Variants in ZNF33B observed in about 807,000 individuals in gnomAD.
The protein encoded by ZNF33B is zinc finger protein 11b (KOX 2).
Under a neutral mutation model 45.8 loss-of-function variants are expected in ZNF33B, and 29 were observed. That is an observed-to-expected ratio of 0.63 (90% confidence interval 0.47 to 0.86). The LOEUF (loss-of-function observed/expected upper bound fraction) is 0.86. Ranked by LOEUF, ZNF33B falls within the 40% of genes least tolerant of loss-of-function variation. The pLI, the probability that ZNF33B is intolerant of heterozygous loss-of-function variation, is 0.00. For synonymous variants in ZNF33B, 305 were observed against 307.8 expected (o/e 0.99, Z 0.10); for missense variants, 831 against 909.9 (o/e 0.91, Z 1.12).
chr10:42,581,123 G>T (rs1478162795), intron 1 of ZNF33B, among the ~76,000 whole-genome samples: 2 of 152,058 alleles, frequency 1.3e-5, no homozygotes, highest in Non-Finnish European at 2.9e-5. Flanking sequence ...CAGGCCAAGT[G>T]AAGACGTATT....
chr10:42,608,808 T>C (rs1262839366), intron 4 of ZNF33B, among the ~76,000 whole-genome samples: 1 of 149,490 alleles, frequency 6.7e-6, no homozygotes, highest in African/African-American at 2.5e-5. Flanking sequence ...ATTAGTGAAC[T>C]AGAGAACAGA....
At chr10:42,586,874 T>C (rs1035250307), downstream of ZNF33B, among the ~76,000 whole-genome samples, 1 of 152,168 alleles carries the variant, frequency 6.6e-6, no homozygotes, top group African/African-American at 2.4e-5. Flanking sequence ...CTAGGTCGTT[T>C]ATAAGCAATA....
chr10:42,614,994 G>A (rs1019468670), intron 4 of ZNF33B, among the ~76,000 whole-genome samples: 4 of 151,808 alleles, frequency 2.6e-5, no homozygotes, highest in Admixed American at 6.6e-5. Context: ...TTAGCCATTA[G>A]GAAATGCAAA....
Position 42,592,530 on chromosome 10 carries a change from T to A in ZNF33B, c.*83A>T. 5 of 1,501,896 alleles carry A rather than the reference T, an allele frequency of 3.3e-6. No individual in the cohort carries two copies. The highest frequency in any genetic ancestry group is 4.5e-6 in the Non-Finnish European group (5 of 1,116,088). 93.0% of individuals were successfully genotyped at this position (1,501,896 alleles called of 1,614,324 possible). On this transcript the variant is annotated 3_prime_UTR_variant, in exon 5 of 5. Transcript: ENST00000359467. ...GTGGATAGTTATTGAACATTCAGGATGTCAACAGGCCCTTCTCCACAGTGT... is the reference window on the plus strand; with the variant it reads ...GTGGATAGTTATTGAACATTCAGGAAGTCAACAGGCCCTTCTCCACAGTGT...
intron 1 of ZNF33B, among the ~76,000 whole-genome samples, chr10:42,575,372 GGAA>G (rs900521202): frequency 6.6e-5 from 10 of 152,130 alleles, no homozygotes; most frequent in African/African-American, 1.9e-4. Context: ...CCAGGAGCCT[GGAA>G]GAAGGACAGG....
intron 4 of ZNF33B, among the ~76,000 whole-genome samples, chr10:42,610,292 T>C (rs901119999): frequency 6.6e-6 from 1 of 152,146 alleles, no homozygotes; most frequent in African/African-American, 2.4e-5. Flanking sequence ...TCCCAGCACT[T>C]TGGAATGCCG....
Position 42,592,732 on chromosome 10 carries a change from G to A in ZNF33B, c.2218C>T (p.Gln740Ter), listed in dbSNP as rs781595380. Reference protein sequence around the residue: ...FYRKSDLAKHQRSHTGEKPYE... With the variant: ...FYRKSDLAKH ...GGCTTTTCCCCTGTATGTGATCTCTGATGTTTAGCAAGGTCTGATTTACGG... is the reference window on the plus strand; with the variant it reads ...GGCTTTTCCCCTGTATGTGATCTCTAATGTTTAGCAAGGTCTGATTTACGG... Residue 740 changes from glutamine to a stop codon, truncating the protein, a stop_gained, in exon 5 of 5, where the codon CAG becomes TAG. Coordinates refer to ENST00000359467, the MANE Select transcript of ZNF33B (RefSeq NM_006955.3). LOFTEE classifies it high-confidence loss of function. The A allele has an allele frequency of 2.5e-6, 4 of 1,613,964 alleles. No homozygotes were observed. Among genetic ancestry groups the A allele is most frequent in the Non-Finnish European group, 3.4e-6 (4 of 1,179,972 alleles).
chr10:42,588,492 C>A (rs1278479747), downstream of ZNF33B, among the ~76,000 whole-genome samples: 1 of 152,218 alleles, frequency 6.6e-6, no homozygotes, highest in Non-Finnish European at 1.5e-5. Context: ...TAACTGCTTC[C>A]TTTTCACCCT....
intron 4 of ZNF33B, among the ~76,000 whole-genome samples, chr10:42,601,708 G>A (rs1306967451): frequency 1.3e-5 from 2 of 151,836 alleles, no homozygotes; most frequent in African/African-American, 2.4e-5. Flanking sequence ...CCTTGATCTC[G>A]TGATCCACCC....
chr10:42,578,589 A>T (rs1836781261), intron 1 of ZNF33B: 1 of 152,448 alleles, frequency 6.6e-6, no homozygotes, highest in African/African-American at 2.4e-5. Context: ...ATGGACAGGG[A>T]AGCCCCTTGG....
intron 4 of ZNF33B, among the ~76,000 whole-genome samples, chr10:42,596,437 G>A (rs1391373112): frequency 1.3e-5 from 2 of 152,068 alleles, no homozygotes; most frequent in Non-Finnish European, 2.9e-5. Flanking sequence ...AGTTATTGTA[G>A]TTCCTGTGTA....
intron 4 of ZNF33B, chr10:42,614,326 A>C (rs940586867): frequency 1.3e-5 from 2 of 154,450 alleles, no homozygotes; most frequent in Admixed American, 6.5e-5. Context: ...CAAAACAAGG[A>C]AAGTCTGGGA....
At chr10:42,601,419 TAA>T (rs1456733988) in intron 4 of ZNF33B, among the ~76,000 whole-genome samples, 1 of 151,910 alleles carries the variant, frequency 6.6e-6, no homozygotes, top group African/African-American at 2.4e-5. Flanking sequence ...CCATGTGTGT[TAA>T]GAGACTACCT....
At chr10:42,595,286 A>C (rs1837351307) in intron 4 of ZNF33B, among the ~76,000 whole-genome samples, 1 of 152,208 alleles carries the variant, frequency 6.6e-6, no homozygotes, top group South Asian at 2.1e-4. Context: ...TATGAGTGAG[A>C]AAATGCTCAG....
chr10:42,626,861 T>A (rs971836492), intron 4 of ZNF33B, among the ~76,000 whole-genome samples: 20 of 152,124 alleles, frequency 1.3e-4, no homozygotes, highest in African/African-American at 4.8e-4. Flanking sequence ...GGAGGTTTTT[T>A]ATTTAAAATT....
chr10:42,594,628 A>G lies in ZNF33B; in HGVS notation c.322T>C (p.Phe108Leu), dbSNP rs566734208. 3.0e-5 allele frequency: 48 copies of G among 1,609,538 alleles called. No homozygotes were observed. In the African/African-American group the frequency reaches 4.9e-4, roughly 17 times the overall value. Residue 108 changes from phenylalanine to leucine, a missense_variant, in exon 5 of 5, where the codon TTC becomes CTC. Transcript: ENST00000359467. ...NQSKHLWEVV[F>L]INNEMLTKEQ... ...TTAGTCAGCATTTCATTATTGATGA[A>G]TACAACTTCCCACAAATGTTTAGAT...
Position 42,594,392 on chromosome 10 carries a change from A to G in ZNF33B, c.558T>C (p.His186=), listed in dbSNP as rs778725952. The part of the protein sequence containing the change: ...LLLNIKHDET[H]TREKNEVLKN... ...TCAAAACTTCATTTTTCTCTCGAGT[A>G]TGAGTTTCATCATGCTTAATATTGA... Residue 186 remains histidine, a synonymous_variant, in exon 5 of 5, where the codon CAT becomes CAC. Transcript: ENST00000359467. 12 of 1,613,794 alleles carry G rather than the reference A, an allele frequency of 7.4e-6. No homozygotes were observed. The highest frequency in any genetic ancestry group is 9.3e-6 in the Non-Finnish European group (11 of 1,179,866).
At chr10:42,620,786 G>A (rs1222742480) in intron 4 of ZNF33B, among the ~76,000 whole-genome samples, 5 of 151,930 alleles carry the variant, frequency 3.3e-5, no homozygotes, top group Non-Finnish European at 7.4e-5. Flanking sequence ...AAACTGAAAG[G>A]CTGATAAAAG....
intron 4 of ZNF33B, among the ~76,000 whole-genome samples, chr10:42,631,051 ATGT>A (rs1839028958): frequency 6.6e-6 from 1 of 152,162 alleles, no homozygotes; most frequent in Non-Finnish European, 1.5e-5. Flanking sequence ...TTCTACTCTA[ATGT>A]TGACCTCAGT....
Sources: allele counts gnomAD v4.1 joint callset (sites outside exome capture counted in the v4.1 genomes callset), GRCh38; gene constraint gnomAD v4.1.1; transcripts MANE v1.5; gene names NCBI Gene and HGNC (gene_info 2026-07-23, HGNC 2026-07-21).